ACTR3C: variants seen among roughly 807,000 people sequenced by gnomAD.
ACTR3C encodes the protein actin related protein 3C.
In ACTR3C, 18 loss-of-function variants were observed where a neutral mutation model predicts 26.3. The observed-to-expected ratio is 0.68, with a 90% confidence interval of 0.47 to 1.01. ACTR3C has a LOEUF of 1.01. ACTR3C is among the 50% of genes least tolerant of loss of function. The pLI, the probability that ACTR3C is intolerant of heterozygous loss-of-function variation, is 0.00. For synonymous variants in ACTR3C, 55 were observed against 94.5 expected (o/e 0.58, Z 2.42); for missense variants, 184 against 250.7 (o/e 0.73, Z 1.80).
At chr7:150,197,686 C>A in the ACTR3C span, among the ~76,000 whole-genome samples, 1 of 152,246 alleles carries the variant, frequency 6.6e-6, no homozygotes, top group Non-Finnish European at 1.5e-5. Flanking sequence ...CAGCTCCCTA[C>A]TGAGTGTCTC....
At chr7:150,037,316 T>A in the ACTR3C span, among the ~76,000 whole-genome samples, 1 of 35,830 alleles carries the variant, frequency 2.8e-5, no homozygotes, top group Non-Finnish European at 6.1e-5. Context: ...GGATCAACGA[T>A]GCGGGGTCCT....
the ACTR3C span, among the ~76,000 whole-genome samples, chr7:150,049,378 C>T: frequency 1.3e-5 from 2 of 152,208 alleles, no homozygotes. Flanking sequence ...CGAACGTGGG[C>T]CGGGAAACCC....
At chr7:150,089,367 G>T in the ACTR3C span, among the ~76,000 whole-genome samples, 4 of 152,272 alleles carry the variant, frequency 2.6e-5, no homozygotes, top group East Asian at 7.7e-4. Context: ...GGAATGTGAG[G>T]CTCCATGCAA....
At chr7:150,202,777 C>T in the ACTR3C span, among the ~76,000 whole-genome samples, 1 of 152,172 alleles carries the variant, frequency 6.6e-6, no homozygotes, top group African/African-American at 2.4e-5. Context: ...CTACTTAATA[C>T]AACAACTCAA....
At chr7:149,894,948 G>C in the ACTR3C span, among the ~76,000 whole-genome samples, 1 of 151,806 alleles carries the variant, frequency 6.6e-6, no homozygotes, top group South Asian at 2.1e-4. Flanking sequence ...CATGTTTACT[G>C]TAGCACTATT....
chr7:150,306,683 G>A lies in ACTR3C; in HGVS notation c.-51-11336C>T, dbSNP rs1007613079. 9.9e-5 allele frequency among the ~76,000 whole-genome samples: 15 copies of A among 152,220 alleles called. 1 individual carries two copies. The highest frequency in any genetic ancestry group is 4.1e-4 in the South Asian group (2 of 4,832). On this transcript the variant is annotated intron_variant, in intron 1 of 7. Coordinates refer to ENST00000683684, the MANE Select transcript of ACTR3C (RefSeq NM_001164458.2). Reference sequence around the variant, plus strand: ...ACAACACAGCGAGACCCGGTTTGGAGAAACAATTTAGCAATACCTCGCCAA... The same window carrying A: ...ACAACACAGCGAGACCCGGTTTGGAAAAACAATTTAGCAATACCTCGCCAA...
At chr7:150,284,652 CAG>C (rs1835623541) in intron 6 of ACTR3C, 99 bp downstream of exon 6, 1 of 1,003,634 alleles carries the variant, frequency 1.0e-6, no homozygotes, top group Non-Finnish European at 1.3e-6. Context: ...GAAGGTGAAA[CAG>C]GGATATTTAC....
chr7:150,128,446 C>A, the ACTR3C span, among the ~76,000 whole-genome samples: 1 of 152,076 alleles, frequency 6.6e-6, no homozygotes, highest in African/African-American at 2.4e-5. Context: ...GCATAGCTTT[C>A]ACAGAACACT....
the ACTR3C span, among the ~76,000 whole-genome samples, chr7:150,111,550 A>T: frequency 1.3e-5 from 1 of 78,986 alleles, no homozygotes; most frequent in Non-Finnish European, 2.5e-5. Flanking sequence ...CCACTTTCTC[A>T]CTCGCCCACT....
chr7:149,910,846 A>AT, the ACTR3C span, among the ~76,000 whole-genome samples: 17 of 136,214 alleles, frequency 1.2e-4, no homozygotes, highest in Admixed American at 1.3e-3. Flanking sequence ...TGGGGAAACC[A>AT]AAAAAAAAAC....
chr7:150,005,769 CA>C, the ACTR3C span, among the ~76,000 whole-genome samples: 2 of 152,222 alleles, frequency 1.3e-5, no homozygotes, highest in Non-Finnish European at 2.9e-5. Flanking sequence ...GAGACTTTCT[CA>C]AATGCTTCTG....
intron 1 of ACTR3C, among the ~76,000 whole-genome samples, chr7:150,314,878 G>A (rs1426412750): frequency 7.4e-5 from 11 of 149,618 alleles, no homozygotes; most frequent in Non-Finnish European, 7.4e-5. Context: ...CTTGAACCCC[G>A]GAGGTCGAGG....
the ACTR3C span, among the ~76,000 whole-genome samples, chr7:149,929,057 C>T: frequency 6.6e-6 from 1 of 152,120 alleles, no homozygotes; most frequent in Non-Finnish European, 1.5e-5. Context: ...AAAATGTTAA[C>T]TAATAAATGG....
chr7:150,299,485 A>C (rs1468286758), intron 1 of ACTR3C, among the ~76,000 whole-genome samples: 36 of 145,204 alleles, frequency 2.5e-4, no homozygotes, highest in Admixed American at 1.7e-3. Flanking sequence ...AAAAAAAAAA[A>C]AAAAAAAAAC....
At chr7:150,184,135 T>A in the ACTR3C span, among the ~76,000 whole-genome samples, 2 of 150,846 alleles carry the variant, frequency 1.3e-5, no homozygotes, top group African/African-American at 5.0e-5. Flanking sequence ...TTGCTTTGTG[T>A]CTGTGGACAT....
At chr7:150,221,998 CAAAAAAAA>C in the ACTR3C span, among the ~76,000 whole-genome samples, 1 of 79,826 alleles carries the variant, frequency 1.3e-5, no homozygotes, top group African/African-American at 6.9e-5. Context: ...ACTCCGTCTC[CAAAAAAAA>C]AAAAAAAAAA....
chr7:149,933,787 C>T, the ACTR3C span, among the ~76,000 whole-genome samples: 1 of 151,996 alleles, frequency 6.6e-6, no homozygotes, highest in African/African-American at 2.4e-5. Context: ...TGTAGAGTTC[C>T]ACTCAACACT....
At chr7:149,967,181 C>A in the ACTR3C span, among the ~76,000 whole-genome samples, 1 of 151,754 alleles carries the variant, frequency 6.6e-6, no homozygotes, top group African/African-American at 2.4e-5. Flanking sequence ...ACTACAGGTG[C>A]CCACCACCAC....
chr7:150,226,779 G>T, the ACTR3C span, among the ~76,000 whole-genome samples: 1 of 152,058 alleles, frequency 6.6e-6, no homozygotes, highest in African/African-American at 2.4e-5. Flanking sequence ...CACCAATGAT[G>T]TTCAGCAAAT....
Sources: allele counts gnomAD v4.1 joint callset (sites outside exome capture counted in the v4.1 genomes callset), GRCh38; gene constraint gnomAD v4.1.1; transcripts MANE v1.5; gene names NCBI Gene and HGNC (gene_info 2026-07-23, HGNC 2026-07-21).